The following UBE2D2 variants were observed in gnomAD, a reference collection of about 807,000 sequenced individuals.
The protein encoded by UBE2D2 is ubiquitin-conjugating enzyme E2 D2.
In UBE2D2, 2 loss-of-function variants were observed where a neutral mutation model predicts 24.2. The ratio of observed to expected loss-of-function variants is 0.08; its 90% CI spans 0.03 to 0.26. UBE2D2 has a LOEUF of 0.26. Among genes scored for constraint, UBE2D2 ranks in the 10% least tolerant of loss-of-function variants. The pLI is 1.00. For synonymous variants in UBE2D2, 58 were observed against 56.5 expected (o/e 1.03, Z -0.12); for missense variants, 44 against 177.6 (o/e 0.25, Z 4.28).
At chr5:139,564,990 A>G (rs1055149662) in intron 1 of UBE2D2, among the ~76,000 whole-genome samples, 2 of 152,180 alleles carry the variant, frequency 1.3e-5, no homozygotes, top group African/African-American at 4.8e-5. Flanking sequence ...GGATAAGATC[A>G]GTTCTATCTT....
chr5:139,582,924 C>T (rs758708812), intron 1 of UBE2D2, among the ~76,000 whole-genome samples: 1 of 151,622 alleles, frequency 6.6e-6, no homozygotes, highest in Non-Finnish European at 1.5e-5. Flanking sequence ...CCCGCCTCGG[C>T]CTCCCAAAGT....
intron 1 of UBE2D2, among the ~76,000 whole-genome samples, chr5:139,539,491 A>G (rs1179706205): frequency 2.0e-5 from 3 of 152,182 alleles, no homozygotes; most frequent in Non-Finnish European, 4.4e-5. Flanking sequence ...CTTTGTGGTG[A>G]TAGAATAGTT....
At chr5:139,563,616 A>G (rs1435939877) in intron 1 of UBE2D2, among the ~76,000 whole-genome samples, 1 of 152,196 alleles carries the variant, frequency 6.6e-6, no homozygotes, top group African/African-American at 2.4e-5. Flanking sequence ...AGTGGGTATA[A>G]TGTGTAATAA....
At position 139,561,606 on chromosome 5, in the gene UBE2D2, TGCG is replaced by T. The variant is rs1753096355; in HGVS notation, c.-183_-181del. ...CGCCGCCGGGTGATGCGGTGACCGC[TGCG>T]GCAGGCCCAGGAGCTGAGTGGGCCC... On this transcript the variant is annotated 5_prime_UTR_variant, in exon 1 of 7. Coordinates refer to ENST00000398733, the MANE Select transcript of UBE2D2 (RefSeq NM_003339.3). The T allele has an allele frequency of 2.2e-6, 1 of 447,218 alleles. No homozygotes were observed. 27.7% of individuals were successfully genotyped at this position (447,218 alleles called of 1,614,324 possible). A position where few individuals can be genotyped will look rare whatever the true frequency, so the allele number is the denominator to read the frequency against.
chr5:139,622,999 C>G (rs920631890), intron 5 of UBE2D2, among the ~76,000 whole-genome samples: 1 of 151,888 alleles, frequency 6.6e-6, no homozygotes, highest in African/African-American at 2.4e-5. Flanking sequence ...GTCAGGAGTT[C>G]CAGACCAGCC....
chr5:139,592,084 C>T (rs1036436139), intron 1 of UBE2D2, among the ~76,000 whole-genome samples: 1 of 152,078 alleles, frequency 6.6e-6, no homozygotes, highest in Non-Finnish European at 1.5e-5. Flanking sequence ...CGCCTGTAAT[C>T]CCAGCTACTC....
chr5:139,546,618 G>C (rs1249364965), intron 1 of UBE2D2, among the ~76,000 whole-genome samples: 3 of 151,952 alleles, frequency 2.0e-5, no homozygotes, highest in African/African-American at 4.8e-5. Context: ...GTGTAGCTGG[G>C]ATTACAGGCA....
Position 139,550,337 on chromosome 5 carries a change from C to A in UBE2D2, c.-64+23725C>A, listed in dbSNP as rs112226065. On this transcript the variant is annotated intron_variant, in intron 1 of 6. Coordinates refer to the UBE2D2 transcript ENST00000511725. The stretch of plus-strand genomic sequence containing the variant: ...TCAGGCTGGAGGATTGTAAATACAG[C>A]AATCAACACTCTGCGTCTAGCTCAG... Among the ~76,000 whole-genome samples the A allele has an allele frequency of 1.2e-4, 18 of 152,278 alleles. 2 individuals are homozygous for A. Among genetic ancestry groups the A allele is most frequent in the African/African-American group, 4.1e-4 (17 of 41,568 alleles).
At position 139,576,201 on chromosome 5, in the gene UBE2D2, C is replaced by T. The variant is rs746070640; in HGVS notation, c.24+14386C>T. On this transcript the variant is annotated intron_variant, in intron 1 of 6. Coordinates refer to ENST00000398733, the MANE Select transcript of UBE2D2 (RefSeq NM_003339.3). The stretch of plus-strand genomic sequence containing the variant: ...GTTGCCATAATAAATTACCACAAAC[C>T]GGGTGGCTTAAAGTAACAGAACTAT... Among the ~76,000 whole-genome samples, 65 of 152,200 alleles carry T rather than the reference C, an allele frequency of 4.3e-4. No homozygotes were observed. In the Middle Eastern group the frequency reaches 0.017, roughly 40 times the overall value.
rs370898297 is a variant in UBE2D2 at position 139,544,289 on chromosome 5, AT to A, written c.-64+17693del. On this transcript the variant is annotated intron_variant, in intron 1 of 6. Transcript: ENST00000511725. ...GAGATTACAGGTGTGAGCCACTGCA[AT>A]TTTTTTTTTTTTTTTAGACAGAGTT... 2.1e-3 allele frequency among the ~76,000 whole-genome samples: 276 copies of A among 131,316 alleles called. 1 individual carries two copies. Among genetic ancestry groups the A allele is most frequent in the Middle Eastern group, 8.0e-3 (2 of 250 alleles). The allele number at this position is 131,316 out of a possible 152,430, so 86.1% of individuals were successfully genotyped here.
chr5:139,581,761 C>G (rs191940340), intron 1 of UBE2D2, among the ~76,000 whole-genome samples: 7 of 151,612 alleles, frequency 4.6e-5, no homozygotes, highest in Non-Finnish European at 1.0e-4. Flanking sequence ...CTCTGCCTCC[C>G]GAGTTCAAGC....
intron 1 of UBE2D2, among the ~76,000 whole-genome samples, chr5:139,549,702 TC>T (rs1752882489): frequency 6.6e-6 from 1 of 152,190 alleles, no homozygotes; most frequent in African/African-American, 2.4e-5. Context: ...CCCCATCCCA[TC>T]GACCGCCCAA....
intron 1 of UBE2D2, among the ~76,000 whole-genome samples, chr5:139,545,204 C>T (rs1373119246): frequency 6.6e-6 from 1 of 151,978 alleles, no homozygotes; most frequent in Non-Finnish European, 1.5e-5. Flanking sequence ...ATCTAATTAA[C>T]TTTTCCCAAT....
chr5:139,585,557 G>A (rs562363485), intron 1 of UBE2D2, among the ~76,000 whole-genome samples: 32 of 151,998 alleles, frequency 2.1e-4, no homozygotes, highest in Non-Finnish European at 4.1e-4. Flanking sequence ...GCCGCTATTG[G>A]TGATTGGGCT....
intron 1 of UBE2D2, among the ~76,000 whole-genome samples, chr5:139,587,787 C>T (rs1193767836): frequency 6.6e-6 from 1 of 151,792 alleles, no homozygotes; most frequent in Admixed American, 6.6e-5. Context: ...AAGAGGGTAG[C>T]CATTGCCAGC....
At chr5:139,536,246 T>A (rs1327125557) in intron 1 of UBE2D2, among the ~76,000 whole-genome samples, 1 of 142,066 alleles carries the variant, frequency 7.0e-6, no homozygotes, top group East Asian at 2.1e-4. Context: ...ATTACAGGCA[T>A]GTGCCACCAT....
intron 1 of UBE2D2, among the ~76,000 whole-genome samples, chr5:139,544,168 CTT>C (rs33938446): frequency 1.2e-4 from 16 of 136,536 alleles, no homozygotes; most frequent in Non-Finnish European, 8.0e-5. Flanking sequence ...TTCTTTCTTT[CTT>C]TTTTTTTTTT....
intron 1 of UBE2D2, among the ~76,000 whole-genome samples, chr5:139,568,688 G>T (rs572315462): frequency 1.3e-5 from 2 of 151,714 alleles, no homozygotes; most frequent in African/African-American, 4.8e-5. Flanking sequence ...AAAAAATACT[G>T]TAGGCCGGGC....
chr5:139,549,988 A>C (rs1054527346), intron 1 of UBE2D2, among the ~76,000 whole-genome samples: 26 of 152,122 alleles, frequency 1.7e-4, no homozygotes, highest in African/African-American at 6.0e-4. Context: ...ACCAATTAGC[A>C]CTCTGTGTCT....
Sources: allele counts gnomAD v4.1 joint callset (sites outside exome capture counted in the v4.1 genomes callset), GRCh38; gene constraint gnomAD v4.1.1; transcripts MANE v1.5; gene names NCBI Gene and HGNC (gene_info 2026-07-23, HGNC 2026-07-21).